Variants in PCDH15 observed in about 807,000 individuals in gnomAD.
PCDH15 encodes the protein protocadherin-15.
A neutral mutation model predicts 178.5 loss-of-function variants in PCDH15; 129 were observed. That is an observed-to-expected ratio of 0.72 (90% CI 0.63 to 0.84). The LOEUF is 0.84. Ranked by LOEUF, PCDH15 falls within the 40% of genes least tolerant of loss-of-function variation. The pLI, the probability that PCDH15 is intolerant of heterozygous loss-of-function variation, is 0.00. For synonymous variants in PCDH15, 800 were observed against 732.0 expected (o/e 1.09, Z -1.50); for missense variants, 2,230 against 2,099.9 (o/e 1.06, Z -1.21).
At chr10:55,006,534 C>G (rs993660029) in intron 2 of PCDH15, among the ~76,000 whole-genome samples, 1 of 152,114 alleles carries the variant, frequency 6.6e-6, no homozygotes, top group Admixed American at 6.6e-5. Flanking sequence ...AAATTATATT[C>G]CTCTTGGCTC....
chr10:54,809,191 T>C (rs1952825007), intron 3 of PCDH15, among the ~76,000 whole-genome samples: 1 of 152,162 alleles, frequency 6.6e-6, no homozygotes, highest in African/African-American at 2.4e-5. Context: ...AAAATTGCCA[T>C]TGATTCGTAC....
intron 1 of PCDH15, among the ~76,000 whole-genome samples, chr10:54,788,398 A>G (rs1331628701): frequency 2.0e-5 from 3 of 151,930 alleles, no homozygotes; most frequent in Admixed American, 6.6e-5. Context: ...TTGGTTATGC[A>G]GGTCTGAGCT....
At chr10:54,972,848 CAAAAAAAAAAA>C in intron 2 of PCDH15, among the ~76,000 whole-genome samples, 1 of 53,520 alleles carries the variant, frequency 1.9e-5, no homozygotes, top group South Asian at 9.3e-4. Context: ...GACTCCATCT[CAAAAAAAAAAA>C]AAAAAAAAAA....
intron 11 of PCDH15, among the ~76,000 whole-genome samples, chr10:54,194,610 A>ATGTGTGTGTGTGTG (rs33956261): frequency 2.0e-5 from 3 of 150,714 alleles, no homozygotes; most frequent in Non-Finnish European, 4.4e-5. Context: ...TTTTATATAT[A>ATGTGTGTGTGTGTG]TGTGTGTGTG....
chr10:54,168,706 G>T lies in PCDH15; in HGVS notation c.1590+14738C>A, dbSNP rs370321774. Among the ~76,000 whole-genome samples the T allele has an allele frequency of 1.4e-4, 22 of 152,084 alleles. 1 individual carries two copies. The highest frequency in any genetic ancestry group is 3.9e-4 in the African/African-American group (16 of 41,460). ...ATAAAAATCCAGCCCAGTTCATGAC[G>T]TGTTTGGCAGCAACCCTGAGACACT... On this transcript the variant is annotated intron_variant, in intron 13 of 37. Coordinates refer to ENST00000644397, the MANE Select transcript of PCDH15 (RefSeq NM_001384140.1).
chr10:54,138,284 G>A (rs1332578313), intron 14 of PCDH15, among the ~76,000 whole-genome samples: 1 of 151,848 alleles, frequency 6.6e-6, no homozygotes, highest in African/African-American at 2.4e-5. Flanking sequence ...ATCTTTTGTG[G>A]GACTAGACAG....
intron 2 of PCDH15, among the ~76,000 whole-genome samples, chr10:55,503,875 T>C (rs73269354): frequency 9.4e-4 from 143 of 151,562 alleles, no homozygotes; most frequent in African/African-American, 3.3e-3. Context: ...ATATTTTTAC[T>C]GTATGATTCC....
Position 54,286,596 on chromosome 10 carries a change from G to A in PCDH15, c.876+30675C>T, listed in dbSNP as rs536381906. On this transcript the variant is annotated intron_variant, in intron 8 of 37. Transcript: ENST00000644397. ...TAATGTTTTTGTTTTTGTTTTGTACGTTCAATCCTCTGAAAAACATGACTC... is the reference window on the plus strand; with the variant it reads ...TAATGTTTTTGTTTTTGTTTTGTACATTCAATCCTCTGAAAAACATGACTC... Among the ~76,000 whole-genome samples, 653 of 152,008 alleles carry A rather than the reference G, an allele frequency of 4.3e-3. 7 individuals carry two copies. The highest frequency in any genetic ancestry group is 0.013 in the African/African-American group (535 of 41,488).
chr10:55,126,938 A>G (rs11004744), intron 2 of PCDH15, among the ~76,000 whole-genome samples: 15,034 of 152,018 alleles, frequency 0.099, 1,533 homozygotes, highest in African/African-American at 0.27. Flanking sequence ...TCTAGTTGAT[A>G]AAAAGGCCAT....
At chr10:54,655,300 G>GAGAGAGAGAGAGAGAGAGAGAGAGAC (rs1158121522) in intron 2 of PCDH15, among the ~76,000 whole-genome samples, 2 of 111,316 alleles carry the variant, frequency 1.8e-5, no homozygotes, top group Non-Finnish European at 4.1e-5. Flanking sequence ...GAGAGAGAGA[G>GAGAGAGAGAGAGAGAGAGAGAGAGAC]AGACAGAGAG....
chr10:55,403,172 T>C (rs1838114382), intron 2 of PCDH15, among the ~76,000 whole-genome samples: 8 of 152,010 alleles, frequency 5.3e-5, no homozygotes, highest in Admixed American at 5.3e-4. Flanking sequence ...TCAGATTCTT[T>C]GCCTAGTTTT....
chr10:55,362,573 G>A (rs114375998), intron 2 of PCDH15, among the ~76,000 whole-genome samples: 1 of 152,094 alleles, frequency 6.6e-6, no homozygotes, highest in African/African-American at 2.4e-5. Context: ...ATATAGTACA[G>A]TATCACAACC....
At chr10:54,528,329 C>CA in intron 2 of PCDH15, 1 of 1,469,954 alleles carries the variant, frequency 6.8e-7, no homozygotes, top group East Asian at 2.4e-5. Flanking sequence ...GAGAATAAAA[C>CA]AAAGACAGAC....
intron 3 of PCDH15, among the ~76,000 whole-genome samples, chr10:54,511,673 C>T (rs12218311): frequency 0.096 from 14,609 of 152,146 alleles, 1,015 homozygotes; most frequent in East Asian, 0.35. Flanking sequence ...GGAATTTTAA[C>T]TCTTAGTCTC....
At chr10:54,742,455 G>C (rs1944933179) in intron 1 of PCDH15, among the ~76,000 whole-genome samples, 1 of 151,962 alleles carries the variant, frequency 6.6e-6, no homozygotes, top group Admixed American at 6.6e-5. Flanking sequence ...TAAATGGAAT[G>C]ATGATGCTAC....
intron 3 of PCDH15, among the ~76,000 whole-genome samples, chr10:54,461,797 G>A (rs2077180489): frequency 6.6e-6 from 1 of 151,796 alleles, no homozygotes; most frequent in South Asian, 2.1e-4. Flanking sequence ...TTATGGTAAG[G>A]ACTTAATATT....
chr10:54,166,877 T>C (rs2133536709), intron 13 of PCDH15, among the ~76,000 whole-genome samples: 1 of 152,304 alleles, frequency 6.6e-6, no homozygotes, highest in South Asian at 2.1e-4. Flanking sequence ...AAAGTCCTTT[T>C]CCTCGCTCAT....
At chr10:54,520,818 T>C (rs1426732287) in intron 3 of PCDH15, among the ~76,000 whole-genome samples, 2 of 150,682 alleles carry the variant, frequency 1.3e-5, no homozygotes, top group African/African-American at 4.9e-5. Flanking sequence ...CCAACCCAAA[T>C]GTCCAACAAT....
intron 2 of PCDH15, among the ~76,000 whole-genome samples, chr10:55,512,209 T>G (rs1047488567): frequency 6.6e-6 from 1 of 152,152 alleles, no homozygotes; most frequent in Non-Finnish European, 1.5e-5. Context: ...TGTCTTGCTA[T>G]AAAAAGTTTG....
Sources: allele counts gnomAD v4.1 joint callset (sites outside exome capture counted in the v4.1 genomes callset), GRCh38; gene constraint gnomAD v4.1.1; transcripts MANE v1.5; gene names NCBI Gene and HGNC (gene_info 2026-07-23, HGNC 2026-07-21).